CHRM2: variants seen among roughly 807,000 people sequenced by gnomAD.
The protein encoded by CHRM2 is cholinergic receptor muscarinic 2.
A neutral mutation model predicts 25.0 loss-of-function variants in CHRM2; 8 were observed. The observed-to-expected ratio is 0.32, with a 90% confidence interval of 0.19 to 0.58. The LOEUF is 0.58. CHRM2 is among the 20% of genes least tolerant of loss of function. CHRM2 has a pLI of 0.88. For synonymous variants in CHRM2, 202 were observed against 205.7 expected (o/e 0.98, Z 0.15); for missense variants, 440 against 567.1 (o/e 0.78, Z 2.28).
intron 2 of CHRM2, among the ~76,000 whole-genome samples, chr7:136,873,892 T>C (rs1375868300): frequency 6.6e-6 from 1 of 152,372 alleles, no homozygotes; most frequent in East Asian, 1.9e-4. Flanking sequence ...TGATTGCCTC[T>C]GGCAGAGGTA....
chr7:136,875,187 GA>G (rs1796005796), intron 2 of CHRM2, among the ~76,000 whole-genome samples: 1 of 148,942 alleles, frequency 6.7e-6, no homozygotes, highest in Non-Finnish European at 1.5e-5. Context: ...TCTCCAGCAA[GA>G]AAAAAATATA....
chr7:136,937,313 T>G (rs1799471838), intron 2 of CHRM2, among the ~76,000 whole-genome samples: 1 of 152,132 alleles, frequency 6.6e-6, no homozygotes, highest in Non-Finnish European at 1.5e-5. Flanking sequence ...CTCACTCTAA[T>G]TATTATATTT....
intron 2 of CHRM2, among the ~76,000 whole-genome samples, chr7:136,961,037 A>G (rs1801041740): frequency 6.6e-6 from 1 of 152,160 alleles, no homozygotes; most frequent in Non-Finnish European, 1.5e-5. Flanking sequence ...AGGCAGGAGA[A>G]CTGCATGAAC....
At chr7:136,876,834 A>C (rs1796070357) in intron 2 of CHRM2, among the ~76,000 whole-genome samples, 1 of 146,272 alleles carries the variant, frequency 6.8e-6, no homozygotes, top group Admixed American at 6.8e-5. Flanking sequence ...TTCAAAAGTC[A>C]ATATTCATGT....
At chr7:136,983,559 T>A (rs942305370) in intron 2 of CHRM2, among the ~76,000 whole-genome samples, 1 of 152,224 alleles carries the variant, frequency 6.6e-6, no homozygotes, top group Non-Finnish European at 1.5e-5. Context: ...TTTTTCCTCA[T>A]CTTCATGGAT....
chr7:136,938,354 G>T, intron 2 of CHRM2: 1 of 1,581,950 alleles, frequency 6.3e-7, no homozygotes, highest in Non-Finnish European at 8.6e-7. Context: ...TGCTGCTGCA[G>T]GAGGCTCCAC....
rs1162061160 is a variant in CHRM2 at position 137,015,843 on chromosome 7, A to C, written c.978A>C (p.Arg326Ser). 6.2e-7 allele frequency: 1 copy of C among 1,612,916 alleles called. No individual in the cohort carries two copies. Among genetic ancestry groups the C allele is most frequent in the Non-Finnish European group, 8.5e-7 (1 of 1,179,376 alleles). The change falls in exon 4 of 4, where the codon AGA becomes AGC. Residue 326 changes from arginine (R) to serine (S), a missense_variant. Physicochemically the swap from Arg to Ser is moderately radical, Grantham distance 110. Coordinates refer to ENST00000680005, the MANE Select transcript of CHRM2 (RefSeq NM_001006630.2). The surrounding 1 kb of genome is among the most constrained non-coding windows in gnomAD (Gnocchi z 5.1). ...KDENSKQTCI[R>S]IGTKTPKSDS... ...AGAACTCTAAGCAAACATGCATCAG[A>C]ATTGGCACCAAGACCCCAAAAAGTG...
Position 136,911,560 on chromosome 7 carries a change from C to T in CHRM2, c.-125+42142C>T, listed in dbSNP as rs115945379. 4.2e-3 allele frequency among the ~76,000 whole-genome samples: 632 copies of T among 152,012 alleles called. 6 individuals are homozygous for T. The highest frequency in any genetic ancestry group is 0.014 in the African/African-American group (583 of 41,502). ...TTTGGAACCTTGGGCTGTATCTTCA[C>T]GTACATACTGGGTTGGAAGAAGGAG... is the stretch of plus-strand genomic sequence containing the variant. On this transcript the variant is annotated intron_variant, in intron 2 of 3. Coordinates refer to ENST00000680005, the MANE Select transcript of CHRM2 (RefSeq NM_001006630.2).
intron 2 of CHRM2, among the ~76,000 whole-genome samples, chr7:136,951,378 G>T (rs547230049): frequency 6.6e-6 from 1 of 152,266 alleles, no homozygotes; most frequent in African/African-American, 2.4e-5. Flanking sequence ...CCTTGTGTAA[G>T]ATATATAATA....
chr7:136,891,214 C>T (rs1215350472), intron 2 of CHRM2, among the ~76,000 whole-genome samples: 1 of 152,110 alleles, frequency 6.6e-6, no homozygotes, highest in Non-Finnish European at 1.5e-5. Flanking sequence ...AATCAGATTT[C>T]CTTAGTTTCT....
chr7:136,942,295 C>G (rs1014473843), intron 2 of CHRM2, among the ~76,000 whole-genome samples: 1 of 152,090 alleles, frequency 6.6e-6, no homozygotes, highest in African/African-American at 2.4e-5. Flanking sequence ...TCAAGCAAAC[C>G]ACAGCAAATG....
intron 2 of CHRM2, among the ~76,000 whole-genome samples, chr7:136,878,616 G>A (rs182841049): frequency 1.0e-3 from 154 of 151,992 alleles, no homozygotes; most frequent in Non-Finnish European, 1.6e-3. Context: ...AATGACAGCT[G>A]CTGTTTTTTG....
intron 2 of CHRM2, among the ~76,000 whole-genome samples, chr7:136,972,636 T>C: frequency 6.6e-6 from 1 of 152,234 alleles, no homozygotes; most frequent in East Asian, 1.9e-4. Context: ...AATATGCTTG[T>C]GACCAATGTC....
intron 2 of CHRM2, among the ~76,000 whole-genome samples, chr7:136,960,546 A>G (rs2130889971): frequency 6.6e-6 from 1 of 152,390 alleles, no homozygotes; most frequent in African/African-American, 2.4e-5. Flanking sequence ...AAACTGGAGT[A>G]GACTAAGTTA....
rs545259449 is a variant in CHRM2, at chr7:136,884,989, C to T, written c.-125+15571C>T. ...TTTTGTGTCTTTCCTGGTGTGAGCT[C>T]CCCAAGCTTACAGATGAGCTGATGC... On this transcript the variant is annotated intron_variant, in intron 2 of 3. Coordinates refer to ENST00000680005, the MANE Select transcript of CHRM2 (RefSeq NM_001006630.2). Among the ~76,000 whole-genome samples the T allele has an allele frequency of 3.3e-5, 5 of 152,242 alleles. No homozygotes were observed. The South Asian group carries it at 8.3e-4, about 25-fold the overall frequency.
At chr7:136,874,224 T>G (rs1795957678) in intron 2 of CHRM2, among the ~76,000 whole-genome samples, 1 of 152,192 alleles carries the variant, frequency 6.6e-6, no homozygotes, top group Admixed American at 6.5e-5. Context: ...TAATTAGTAT[T>G]TATTATCCAC....
At chr7:136,930,714 G>A (rs1269285863) in intron 2 of CHRM2, among the ~76,000 whole-genome samples, 1 of 151,844 alleles carries the variant, frequency 6.6e-6, no homozygotes, top group African/African-American at 2.4e-5. Context: ...TGGTTAACAC[G>A]GTGAAACCCC....
intron 2 of CHRM2, among the ~76,000 whole-genome samples, chr7:136,873,729 A>G (rs1795934765): frequency 6.6e-6 from 1 of 152,168 alleles, no homozygotes; most frequent in African/African-American, 2.4e-5. Flanking sequence ...GTGTTTGGGG[A>G]AAACAAAACC....
chr7:136,873,930 G>A (rs986478364), intron 2 of CHRM2, among the ~76,000 whole-genome samples: 1 of 152,210 alleles, frequency 6.6e-6, no homozygotes, highest in Non-Finnish European at 1.5e-5. Flanking sequence ...TTTGGCAGAT[G>A]CCATTTTCAC....
Sources: allele counts gnomAD v4.1 joint callset (sites outside exome capture counted in the v4.1 genomes callset), GRCh38; gene constraint gnomAD v4.1.1; non-coding constraint Gnocchi (gnomAD v3.1); transcripts MANE v1.5; gene names NCBI Gene and HGNC (gene_info 2026-07-23, HGNC 2026-07-21).